Variants in MMACHC observed in about 807,000 individuals in gnomAD.
MMACHC encodes the protein metabolism of cobalamin associated C, also known as cyanocobalamin reductase / alkylcobalamin dealkylase.
A neutral mutation model predicts 17.6 loss-of-function variants in MMACHC; 14 were observed. The ratio of observed to expected loss-of-function variants is 0.80; its 90% CI spans 0.53 to 1.25. MMACHC has a LOEUF of 1.25. MMACHC is among the 50% of genes most tolerant of loss of function. The pLI is 0.00. For missense variants in MMACHC, 392 were observed against 364.5 expected, an observed-to-expected ratio of 1.08 and a Z score of -0.62; for synonymous variants, 151 against 142.1, an observed-to-expected ratio of 1.06 and a Z score of -0.45.
chr1:45,508,502 T>A, intron 3 of MMACHC, 138 bp downstream of exon 3: 1 of 1,054,976 alleles, frequency 9.5e-7, no homozygotes, highest in Non-Finnish European at 1.4e-6. Context: ...TGGGAGGCAG[T>A]CCTGTCACAT....
rs757711772 is a variant in MMACHC, at chr1:45,508,245, G to A, written c.310G>A (p.Asp104Asn). ...AGAGCTGCAGATAGAAATCATTGCT[G>A]ACTACGAGGTGCACCCCAACCGACG... The part of the protein sequence containing the change: ...LPELQIEIIA[D>N]YEVHPNRRPK... Residue 104 changes from aspartate to asparagine, a missense_variant, in exon 3 of 4, where the codon GAC becomes AAC. Transcript: ENST00000401061. 2.5e-6 allele frequency: 4 copies of A among 1,614,004 alleles called. No homozygotes were observed. The highest frequency in any genetic ancestry group is 2.5e-6 in the Non-Finnish European group (3 of 1,180,026).
In MMACHC at chr1:45,508,811, T is replaced by C; in HGVS notation, c.445T>C (p.Cys149Arg). The part of the protein sequence containing the change: ...PWGNQRISGV[C>R]IHPRFGGWFA... The stretch of plus-strand genomic sequence containing the variant: ...CTCTCCCCAGCGCATATCAGGTGTG[T>C]GCATACACCCCCGATTTGGGGGCTG... Residue 149 changes from cysteine (C) to arginine (R), a missense_variant, in exon 4 of 4, where the codon TGC becomes CGC. Cys to Arg is a radical substitution (Grantham distance 180). Coordinates refer to ENST00000401061, the MANE Select transcript of MMACHC (RefSeq NM_015506.3). 6.2e-7 allele frequency: 1 copy of C among 1,614,070 alleles called. No individual in the cohort carries two copies. The highest frequency in any genetic ancestry group is 1.1e-5 in the South Asian group (1 of 91,078).
rs1443253832 is a variant in MMACHC at position 45,509,221 on chromosome 1, T to C, written c.*6T>C. On this transcript the variant is annotated 3_prime_UTR_variant, in exon 4 of 4. Transcript: ENST00000401061. ...CTGCATCCCCTGGCCCTTGATTTTC[T>C]CCCATGTGGACCCTGATTTATGGTG... 1 of 1,613,958 alleles carries C rather than the reference T, an allele frequency of 6.2e-7. No individual in the cohort carries two copies. Among genetic ancestry groups the C allele is most frequent in the Admixed American group, 1.7e-5 (1 of 59,996 alleles).
Position 45,511,283 on chromosome 1 carries a change from T to C in MMACHC, c.*2068T>C, listed in dbSNP as rs1290949681. On this transcript the variant is annotated 3_prime_UTR_variant, in exon 4 of 4. Coordinates refer to ENST00000401061, the MANE Select transcript of MMACHC (RefSeq NM_015506.3). ...AAAAAAAAATACAGAAGAGGTTTTG[T>C]TCTCATGGCTGCCCACCGCAGCCTG... 5 of 1,459,658 alleles carry C rather than the reference T, an allele frequency of 3.4e-6. No homozygotes were observed. The highest frequency in any genetic ancestry group is 2.2e-5 in the Admixed American group (1 of 46,338). The allele number at this position is 1,459,658 out of a possible 1,614,324, so 90.4% of individuals were successfully genotyped here. A position where few individuals can be genotyped will look rare whatever the true frequency, so the allele number is the denominator to read the frequency against.
At chr1:45,502,954 G>A (rs187079346) in intron 1 of MMACHC, among the ~76,000 whole-genome samples, 5 of 152,000 alleles carry the variant, frequency 3.3e-5, no homozygotes, top group Non-Finnish European at 5.9e-5. Flanking sequence ...ATCTGCCTGC[G>A]TTGGCCTCCC....
intron 1 of MMACHC, among the ~76,000 whole-genome samples, chr1:45,503,258 C>T (rs1344265565): frequency 4.6e-5 from 7 of 151,704 alleles, no homozygotes; most frequent in Admixed American, 1.3e-4. Context: ...ATTAGGTGGG[C>T]GTGGTGGTGT....
In MMACHC at chr1:45,509,172, G is replaced by A; in HGVS notation, c.806G>A (p.Trp269Ter). 1 of 1,614,002 alleles carries A rather than the reference G, an allele frequency of 6.2e-7. No individual in the cohort carries two copies. Among genetic ancestry groups the A allele is most frequent in the Non-Finnish European group, 8.5e-7 (1 of 1,179,994 alleles). ...GGGAATCCCAGCAGAGCCCGGAGCT[G>A]GCTCAGCCCCAGGGTCTCACCACCT... is the stretch of plus-strand genomic sequence containing the variant. ...KPGNPSRARS[W>*]LSPRVSPPAS... Residue 269 changes from tryptophan to a stop codon, truncating the protein, a stop_gained, in exon 4 of 4, where the codon TGG becomes TAG. Transcript: ENST00000401061. LOFTEE classifies it high-confidence loss of function.
In MMACHC at chr1:45,503,181, T is replaced by A. The variant is rs568737274; in HGVS notation, c.81+2768T>A. ...TGGGAGGCCAAGGTGGGTAAATTAC[T>A]GGAGGTCAGGGGTTCAAGACCAGCC... On this transcript the variant is annotated intron_variant, in intron 1 of 3. Transcript: ENST00000401061. 3.2e-4 allele frequency among the ~76,000 whole-genome samples: 48 copies of A among 152,102 alleles called. 2 individuals carry two copies. In the South Asian group the frequency reaches 1.0e-2, roughly 32 times the overall value.
rs2149324224 is a variant in MMACHC, at chr1:45,509,348, G to A, written c.*133G>A. On this transcript the variant is annotated 3_prime_UTR_variant, in exon 4 of 4. Transcript: ENST00000401061. ...AGAGATCTTCCATGAAGATAACAAG[G>A]CTCAAGGAAGTTAGGTTTGGCCAAG... 3 of 1,101,932 alleles carry A rather than the reference G, an allele frequency of 2.7e-6. No homozygotes were observed. The South Asian group carries it at 4.4e-5, about 16-fold the overall frequency. The allele number at this position is 1,101,932 out of a possible 1,614,324, so 68.3% of individuals were successfully genotyped here. A position where few individuals can be genotyped will look rare whatever the true frequency, so the allele number is the denominator to read the frequency against.
chr1:45,507,435 G>A lies in MMACHC; in HGVS notation c.161G>A (p.Ser54Asn), dbSNP rs1173221159. The A allele has an allele frequency of 6.2e-7, 1 of 1,614,140 alleles. No individual in the cohort carries two copies. The highest frequency in any genetic ancestry group is 1.1e-5 in the South Asian group (1 of 91,082). The change falls in exon 2 of 4, where the codon AGC becomes AAC. Residue 54 changes from serine to asparagine, a missense_variant. Ser to Asn is a conservative substitution (Grantham distance 46, BLOSUM62 1). Coordinates refer to ENST00000401061, the MANE Select transcript of MMACHC (RefSeq NM_015506.3). ...PGPTLAFLVLSTPAMFDRALK... is the reference protein window; with the variant it reads ...PGPTLAFLVLNTPAMFDRALK... ...CCTACCCTGGCCTTCCTGGTACTCA[G>A]CACGCCTGCCATGTTTGACCGGGCC...
At position 45,508,256 on chromosome 1, in the gene MMACHC, G is replaced by A. The variant is rs2275276; in HGVS notation, c.321G>A (p.Val107=). 0.45 allele frequency: 718,561 copies of A among 1,613,554 alleles called. 161,108 individuals carry two copies. The highest frequency in any genetic ancestry group is 0.58 in the East Asian group (26,048 of 44,860). The change falls in exon 3 of 4, where the codon GTG becomes GTA. Residue 107 remains valine, a synonymous_variant. Coordinates refer to ENST00000401061, the MANE Select transcript of MMACHC (RefSeq NM_015506.3). ...TAGAAATCATTGCTGACTACGAGGTGCACCCCAACCGACGCCCCAAGATCC... is the reference window on the plus strand; with the variant it reads ...TAGAAATCATTGCTGACTACGAGGTACACCCCAACCGACGCCCCAAGATCC... ...LQIEIIADYE[V]HPNRRPKILA... is the part of the protein sequence containing the mutation.
In MMACHC at chr1:45,509,328, T is replaced by G; in HGVS notation, c.*113T>G. The G allele has an allele frequency of 7.7e-7, 1 of 1,295,564 alleles. No homozygotes were observed. The highest frequency in any genetic ancestry group is 1.3e-5 in the South Asian group (1 of 79,204). 80.3% of individuals were successfully genotyped at this position (1,295,564 alleles called of 1,614,324 possible). ...ACTATTTTTGATAATATAGTAGAGA[T>G]CTTCCATGAAGATAACAAGGCTCAA... On this transcript the variant is annotated 3_prime_UTR_variant, in exon 4 of 4. Coordinates refer to ENST00000401061, the MANE Select transcript of MMACHC (RefSeq NM_015506.3).
intron 1 of MMACHC, among the ~76,000 whole-genome samples, chr1:45,504,795 C>T (rs2149322401): frequency 6.6e-6 from 1 of 152,234 alleles, no homozygotes. Flanking sequence ...TCTTTGGTAG[C>T]ATCAGTTCAT....
chr1:45,504,883 G>A (rs1056544673), intron 1 of MMACHC, among the ~76,000 whole-genome samples: 1 of 152,000 alleles, frequency 6.6e-6, no homozygotes, highest in Non-Finnish European at 1.5e-5. Flanking sequence ...GGAGGCCAAG[G>A]TGGGCAGATC....
intron 1 of MMACHC, among the ~76,000 whole-genome samples, chr1:45,500,950 A>G (rs1385148992): frequency 6.6e-6 from 1 of 151,906 alleles, no homozygotes; most frequent in Non-Finnish European, 1.5e-5. Context: ...GAGACACCAT[A>G]TGACCTGTAG....
chr1:45,508,944 T>G lies in MMACHC; in HGVS notation c.578T>G (p.Leu193Arg). 1 of 1,614,134 alleles carries G rather than the reference T, an allele frequency of 6.2e-7. No homozygotes were observed. Among genetic ancestry groups the G allele is most frequent in the Non-Finnish European group, 8.5e-7 (1 of 1,180,018 alleles). ...VPTRADRIALLEGFNFHWRDW... is the reference protein window; with the variant it reads ...VPTRADRIALREGFNFHWRDW... ...ACAAGAGCTGACCGTATCGCCCTAC[T>G]CGAAGGCTTCAATTTCCACTGGCGT... Residue 193 changes from leucine to arginine, a missense_variant, in exon 4 of 4, where the codon CTC (leucine) becomes CGC (arginine). Leu to Arg is a moderately radical substitution (Grantham distance 102, BLOSUM62 -2). Transcript: ENST00000401061.
Position 45,509,329 on chromosome 1 carries a change from C to A in MMACHC, c.*114C>A. On this transcript the variant is annotated 3_prime_UTR_variant, in exon 4 of 4. Coordinates refer to ENST00000401061, the MANE Select transcript of MMACHC (RefSeq NM_015506.3). The stretch of plus-strand genomic sequence containing the variant: ...CTATTTTTGATAATATAGTAGAGAT[C>A]TTCCATGAAGATAACAAGGCTCAAG... 1.6e-6 allele frequency: 2 copies of A among 1,283,338 alleles called. No homozygotes were observed. The highest frequency in any genetic ancestry group is 2.2e-6 in the Non-Finnish European group (2 of 907,010). 79.5% of individuals were successfully genotyped at this position (1,283,338 alleles called of 1,614,324 possible).
At chr1:45,505,118 T>TAAAAAA (rs71052893) in intron 1 of MMACHC, among the ~76,000 whole-genome samples, 2 of 119,384 alleles carry the variant, frequency 1.7e-5, no homozygotes, top group Admixed American at 9.5e-5. Context: ...TGTATACATT[T>TAAAAAA]AAAAAAAAAA....
chr1:45,502,595 T>C (rs1481476624), intron 1 of MMACHC, among the ~76,000 whole-genome samples: 1 of 152,122 alleles, frequency 6.6e-6, no homozygotes, highest in Non-Finnish European at 1.5e-5. Context: ...TTTGGTGAAA[T>C]ATAAATAATA....
Sources: allele counts gnomAD v4.1 joint callset (sites outside exome capture counted in the v4.1 genomes callset), GRCh38; gene constraint gnomAD v4.1.1; transcripts MANE v1.5; gene names NCBI Gene and HGNC (gene_info 2026-07-23, HGNC 2026-07-21).